Variants in ADCK1 observed in about 807,000 individuals in gnomAD.
ADCK1 encodes the protein aarF domain-containing protein kinase 1.
A neutral mutation model predicts 52.3 loss-of-function variants in ADCK1; 41 were observed. The observed-to-expected ratio is 0.78, with a 90% CI of 0.61 to 1.02. The LOEUF (loss-of-function observed/expected upper bound fraction) is 1.02, where lower values mean the gene tolerates loss of function less well. Ranked by LOEUF, ADCK1 falls within the 50% of genes least tolerant of loss-of-function variation. The pLI, the probability that ADCK1 is intolerant of heterozygous loss-of-function variation, is 0.00. For synonymous variants in ADCK1, 250 were observed against 274.6 expected, an observed-to-expected ratio of 0.91 and a Z score of 0.89; for missense variants, 658 against 679.5, an observed-to-expected ratio of 0.97 and a Z score of 0.35.
intron 2 of ADCK1, among the ~76,000 whole-genome samples, chr14:77,819,681 C>T (rs573119086): frequency 3.9e-5 from 6 of 152,204 alleles, no homozygotes; most frequent in African/African-American, 4.8e-5. Context: ...TCAACAGGAA[C>T]GTCATCCTGG....
intron 2 of ADCK1, among the ~76,000 whole-genome samples, chr14:77,820,639 C>T (rs2081560494): frequency 6.7e-6 from 1 of 148,822 alleles, no homozygotes; most frequent in African/African-American, 2.5e-5. Flanking sequence ...GCCAATTTTA[C>T]GTGTGTGTGT....
intron 4 of ADCK1, among the ~76,000 whole-genome samples, chr14:77,869,481 C>T (rs184045622): frequency 6.6e-6 from 1 of 152,270 alleles, no homozygotes; most frequent in African/African-American, 2.4e-5. Flanking sequence ...TATGATTGTG[C>T]TATTCCAGTA....
At chr14:77,851,851 A>G (rs1450624831) in intron 3 of ADCK1, among the ~76,000 whole-genome samples, 3 of 152,138 alleles carry the variant, frequency 2.0e-5, no homozygotes, top group African/African-American at 7.2e-5. Flanking sequence ...TGTCTTTTAA[A>G]GAGATATAAA....
intron 3 of ADCK1, among the ~76,000 whole-genome samples, chr14:77,852,671 A>ATATATATATATATATATATTTCATATAT (rs2082316997): frequency 9.3e-5 from 1 of 10,804 alleles, no homozygotes; most frequent in South Asian, 3.5e-3. Context: ...ATATATATAT[A>ATATATATATATATATATATTTCATATAT]TATATATATA....
chr14:77,878,210 C>T lies in ADCK1; in HGVS notation c.424-8881C>T, dbSNP rs1205227457. Among the ~76,000 whole-genome samples the T allele has an allele frequency of 2.6e-5, 4 of 152,368 alleles. No homozygotes were observed. In the East Asian group the frequency reaches 5.8e-4, roughly 22 times the overall value. On this transcript the variant is annotated intron_variant, in intron 4 of 10. Transcript: ENST00000238561. ...TCCTCAAATGCCCAGTGATTAACAT[C>T]GTGCCCTGCACATATTAGTCACTTA...
At chr14:77,892,105 C>T (rs911233955) in intron 5 of ADCK1, among the ~76,000 whole-genome samples, 6 of 152,170 alleles carry the variant, frequency 3.9e-5, no homozygotes, top group Non-Finnish European at 8.8e-5. Flanking sequence ...ATGCTTCTCT[C>T]CCACTGTTGT....
chr14:77,843,172 G>A lies in ADCK1; in HGVS notation c.220-15904G>A, dbSNP rs144547878. 3.0e-3 allele frequency among the ~76,000 whole-genome samples: 462 copies of A among 152,232 alleles called. 1 individual carries two copies. Among genetic ancestry groups the A allele is most frequent in the African/African-American group, 0.011 (440 of 41,552 alleles). On this transcript the variant is annotated intron_variant, in intron 3 of 10. Coordinates refer to ENST00000238561, the MANE Select transcript of ADCK1 (RefSeq NM_020421.4). ...ATCTCAAAATGCTGGGATCACAGGC[G>A]TGAGTAACCTTGTCTAGCCAGAGTT...
chr14:77,804,145 A>T (rs2081168906), intron 1 of ADCK1, among the ~76,000 whole-genome samples: 1 of 152,006 alleles, frequency 6.6e-6, no homozygotes, highest in Admixed American at 6.6e-5. Flanking sequence ...GTGGCCTCAG[A>T]CCCCCTGTAA....
At chr14:77,837,253 C>T (rs2081980756) in intron 3 of ADCK1, among the ~76,000 whole-genome samples, 5 of 151,490 alleles carry the variant, frequency 3.3e-5, no homozygotes, top group Admixed American at 2.6e-4. Flanking sequence ...TCTCCTGCCT[C>T]AGCCTCCCAA....
chr14:77,905,699 A>G (rs962954088), intron 6 of ADCK1, among the ~76,000 whole-genome samples: 1 of 152,106 alleles, frequency 6.6e-6, no homozygotes, highest in Non-Finnish European at 1.5e-5. Flanking sequence ...CTGTAATCCC[A>G]GCACTTTGAG....
chr14:77,900,070 C>CAAA (rs751907850), intron 6 of ADCK1, among the ~76,000 whole-genome samples: 45 of 67,064 alleles, frequency 6.7e-4, no homozygotes, highest in African/African-American at 1.1e-3. Context: ...AACTCCGTCT[C>CAAA]AAAAAAAAAA....
chr14:77,853,912 C>T lies in ADCK1; in HGVS notation c.220-5164C>T, dbSNP rs546511650. ...GAGTCTTCTGGTCACTGCCTGGCTTCCCCTCCCTGCCACTTCAGCCTGGAA... is the reference window on the plus strand; with the variant it reads ...GAGTCTTCTGGTCACTGCCTGGCTTTCCCTCCCTGCCACTTCAGCCTGGAA... On this transcript the variant is annotated intron_variant, in intron 3 of 10. Coordinates refer to ENST00000238561, the MANE Select transcript of ADCK1 (RefSeq NM_020421.4). Among the ~76,000 whole-genome samples the T allele has an allele frequency of 3.6e-3, 546 of 152,282 alleles. 4 individuals carry two copies. Among genetic ancestry groups the T allele is most frequent in the Middle Eastern group, 6.8e-3 (2 of 294 alleles).
Position 77,817,980 on chromosome 14 carries a change from T to C in ADCK1, c.-11-988T>C, listed in dbSNP as rs558357214. Among the ~76,000 whole-genome samples, 14 of 152,012 alleles carry C rather than the reference T, an allele frequency of 9.2e-5. No individual in the cohort carries two copies. In the East Asian group the frequency reaches 1.4e-3, roughly 15 times the overall value. On this transcript the variant is annotated intron_variant, in intron 1 of 10. Transcript: ENST00000238561. ...GTCTTGATCTCCTGACCTTGTGATC[T>C]GCCCGCCTTGGCCTCCCAAAGTGCT...
intron 3 of ADCK1, among the ~76,000 whole-genome samples, chr14:77,842,694 G>A (rs2082099517): frequency 6.6e-6 from 1 of 151,688 alleles, no homozygotes; most frequent in South Asian, 2.1e-4. Context: ...GGGATTACAG[G>A]CATGCACCAC....
At chr14:77,892,922 G>A (rs2083313238) in intron 5 of ADCK1, among the ~76,000 whole-genome samples, 1 of 152,166 alleles carries the variant, frequency 6.6e-6, no homozygotes, top group Non-Finnish European at 1.5e-5. Context: ...TGGCAGTTTT[G>A]TGTCTCCTGT....
At position 77,815,104 on chromosome 14, in the gene ADCK1, G is replaced by A. The variant is rs188536521; in HGVS notation, c.-11-3864G>A. On this transcript the variant is annotated intron_variant, in intron 1 of 10. Transcript: ENST00000238561. ...GACGGGGTTTCACCATGTTGGTTAGGCTGGTCTGGCATTCTTGACCTTCCT... is the reference window on the plus strand; with the variant it reads ...GACGGGGTTTCACCATGTTGGTTAGACTGGTCTGGCATTCTTGACCTTCCT... Among the ~76,000 whole-genome samples the A allele has an allele frequency of 4.4e-4, 67 of 150,770 alleles. No individual in the cohort carries two copies. The East Asian group carries it at 0.011, about 25-fold the overall frequency.
intron 6 of ADCK1, among the ~76,000 whole-genome samples, chr14:77,904,298 C>T (rs2083610160): frequency 6.6e-6 from 1 of 152,228 alleles, no homozygotes; most frequent in Non-Finnish European, 1.5e-5. Flanking sequence ...TGTGCTTCCA[C>T]TGTAACCATT....
chr14:77,812,860 G>A (rs1474684305), intron 1 of ADCK1, among the ~76,000 whole-genome samples: 2 of 152,118 alleles, frequency 1.3e-5, no homozygotes, highest in African/African-American at 2.4e-5. Flanking sequence ...AAAGTGCTGG[G>A]GTTACAGATA....
intron 4 of ADCK1, among the ~76,000 whole-genome samples, chr14:77,873,278 A>G (rs967415454): frequency 6.6e-6 from 1 of 152,206 alleles, no homozygotes; most frequent in Admixed American, 6.5e-5. Flanking sequence ...TTTTATGCTG[A>G]TTATGAATAG....
Sources: gnomAD v4.1 joint callset for allele counts (sites outside exome capture counted in the v4.1 genomes callset) on GRCh38, gnomAD v4.1.1 for gene constraint, MANE v1.5 for transcripts, NCBI Gene and HGNC (gene_info 2026-07-23, HGNC 2026-07-21) for gene names.